The following ZNF236 variants were observed in gnomAD, a reference collection of about 807,000 sequenced individuals.
The protein encoded by ZNF236 is regulated by glucose.
ZNF236 carries 50 observed loss-of-function variants against 191.2 expected under a neutral mutation model. The ratio of observed to expected loss-of-function variants is 0.26; its 90% CI spans 0.21 to 0.33. The LOEUF (loss-of-function observed/expected upper bound fraction) is 0.33. Among genes scored for constraint, ZNF236 ranks in the 10% least tolerant of loss-of-function variants. The pLI is 1.00. For missense variants in ZNF236, 1,754 were observed against 2,374.5 expected (o/e 0.74, Z 5.43); for synonymous variants, 907 against 928.8 (o/e 0.98, Z 0.43).
At chr18:76,869,247 G>A (rs79903619) in intron 4 of ZNF236, among the ~76,000 whole-genome samples, 2,327 of 152,314 alleles carry the variant, frequency 0.015, 27 homozygotes, top group Middle Eastern at 0.02. Flanking sequence ...TGTTCTTAGC[G>A]TGTATATAAA....
At chr18:76,830,393 G>C (rs1414958825) in intron 1 of ZNF236, among the ~76,000 whole-genome samples, 1 of 152,068 alleles carries the variant, frequency 6.6e-6, no homozygotes, top group East Asian at 1.9e-4. Context: ...TTTTGAATAA[G>C]TGTTGCTACA....
At chr18:76,947,831 T>C (rs1359390281) in intron 27 of ZNF236, among the ~76,000 whole-genome samples, 179 bp downstream of exon 27, 1 of 152,128 alleles carries the variant, frequency 6.6e-6, no homozygotes, top group African/African-American at 2.4e-5. Context: ...GTGTGTTGAA[T>C]GACAGGTACG....
intron 1 of ZNF236, among the ~76,000 whole-genome samples, chr18:76,823,352 G>A (rs1237365641): frequency 6.6e-6 from 1 of 151,980 alleles, no homozygotes; most frequent in Non-Finnish European, 1.5e-5. Context: ...CAGACGCTGT[G>A]GGTAGTGCAT....
intron 11 of ZNF236, among the ~76,000 whole-genome samples, chr18:76,900,113 A>G (rs959392401): frequency 3.3e-5 from 5 of 152,314 alleles, no homozygotes; most frequent in Non-Finnish European, 5.9e-5. Context: ...AGATAATTCA[A>G]TCTATAAGCA....
chr18:76,870,544 A>T (rs1403005087), intron 4 of ZNF236, among the ~76,000 whole-genome samples: 2 of 152,206 alleles, frequency 1.3e-5, no homozygotes. Flanking sequence ...TAGTGAGAAG[A>T]TAGGTAGTGA....
chr18:76,845,899 C>T (rs576084943), intron 1 of ZNF236, among the ~76,000 whole-genome samples: 20 of 151,858 alleles, frequency 1.3e-4, no homozygotes, highest in African/African-American at 1.9e-4. Flanking sequence ...CATGAAGAGG[C>T]GGTCATTCAT....
Position 76,875,309 on chromosome 18 carries a change from A to T in ZNF236, c.668-183A>T, listed in dbSNP as rs75210535. Among the ~76,000 whole-genome samples the T allele has an allele frequency of 3.9e-5, 6 of 152,296 alleles. No individual in the cohort carries two copies. The highest frequency in any genetic ancestry group is 1.4e-4 in the African/African-American group (6 of 41,546). The stretch of plus-strand genomic sequence containing the variant: ...GGTGGAGCAGTTTGCGAGATGGTCA[A>T]GTGCAGTTTTGACATGTTAATTTTG... On this transcript the variant is annotated intron_variant, in intron 5 of 30. Transcript: ENST00000320610. This position sits in a 1 kb window ranked among gnomAD's most constrained non-coding sequence, Gnocchi z 4.3.
At chr18:76,910,918 C>G in intron 16 of ZNF236, 107 bp downstream of exon 16, 1 of 1,268,392 alleles carries the variant, frequency 7.9e-7, no homozygotes. Flanking sequence ...AAGAGGCATG[C>G]TCACTTCTTG....
chr18:76,829,702 A>G (rs999110409), intron 1 of ZNF236, among the ~76,000 whole-genome samples: 2 of 152,176 alleles, frequency 1.3e-5, no homozygotes, highest in Non-Finnish European at 2.9e-5. Context: ...TTAAGTAACT[A>G]TTTTAATCAC....
At chr18:76,870,788 G>C (rs148084591) in intron 4 of ZNF236, among the ~76,000 whole-genome samples, 1 of 152,276 alleles carries the variant, frequency 6.6e-6, no homozygotes, top group East Asian at 1.9e-4. Flanking sequence ...GAAGCAGTGA[G>C]CCTCCCTGGT....
At chr18:76,838,572 C>T (rs1336386149) in intron 1 of ZNF236, among the ~76,000 whole-genome samples, 5 of 152,162 alleles carry the variant, frequency 3.3e-5, no homozygotes, top group African/African-American at 4.8e-5. Context: ...GTAGGTTGTA[C>T]GGCCTCTGTC....
chr18:76,933,292 A>G (rs1258779990), intron 25 of ZNF236, among the ~76,000 whole-genome samples: 1 of 152,152 alleles, frequency 6.6e-6, no homozygotes, highest in Admixed American at 6.5e-5. Context: ...ATCATGGTGA[A>G]ACCCCGTCTC....
At chr18:76,896,404 AAC>A (rs1977412578) in intron 10 of ZNF236, among the ~76,000 whole-genome samples, 1 of 148,088 alleles carries the variant, frequency 6.8e-6, no homozygotes, top group Non-Finnish European at 1.5e-5. Flanking sequence ...CACAGTACCA[AAC>A]ACAGTACTAC....
chr18:76,916,976 G>A (rs192895370), intron 19 of ZNF236, among the ~76,000 whole-genome samples: 10 of 152,280 alleles, frequency 6.6e-5, no homozygotes, highest in South Asian at 2.1e-4. Flanking sequence ...TGGGGTCCCC[G>A]GTGGGTTATG....
At chr18:76,874,270 A>AC (rs1190161923) in intron 5 of ZNF236, among the ~76,000 whole-genome samples, 6 of 152,044 alleles carry the variant, frequency 3.9e-5, no homozygotes, top group African/African-American at 7.2e-5. Context: ...CACTTATTTA[A>AC]CCCTAAAGCT....
intron 3 of ZNF236, among the ~76,000 whole-genome samples, chr18:76,852,714 A>G (rs796510819): frequency 7.9e-5 from 12 of 152,298 alleles, no homozygotes; most frequent in African/African-American, 2.2e-4. Context: ...GGAAGATACA[A>G]AAAGTTAAAG....
At chr18:76,877,094 A>G (rs958963369) in intron 6 of ZNF236, among the ~76,000 whole-genome samples, 3 of 152,208 alleles carry the variant, frequency 2.0e-5, no homozygotes, top group Non-Finnish European at 1.5e-5. Flanking sequence ...TCATAGTTCT[A>G]CAGTAACTAA....
chr18:76,895,299 GCTGGGCCCACACGGGCACTGGCCA>G lies in ZNF236; in HGVS notation c.1690+16_1690+39del. 4 of 1,595,870 alleles carry G rather than the reference GCTGGGCCCACACGGGCACTGGCCA, an allele frequency of 2.5e-6. No individual in the cohort carries two copies. The highest frequency in any genetic ancestry group is 3.4e-6 in the Non-Finnish European group (4 of 1,177,076). On this transcript the variant is annotated intron_variant, in intron 10 of 30. Coordinates refer to ENST00000320610, the MANE Select transcript of ZNF236 (RefSeq NM_001306089.2). Reference sequence around the variant, plus strand: ...GCCTGCACACAGGTATGGCCTCAGGGCTGGGCCCACACGGGCACTGGCCACGGGGGCCACACACATTACTGCGCA... The same window carrying G: ...GCCTGCACACAGGTATGGCCTCAGGGCGGGGGCCACACACATTACTGCGCA...
chr18:76,837,159 G>A (rs1189458767), intron 1 of ZNF236, among the ~76,000 whole-genome samples: 2 of 92,170 alleles, frequency 2.2e-5, no homozygotes, highest in Non-Finnish European at 4.3e-5. Context: ...GCCTCCCAAA[G>A]TGCTGGAATT....
Sources: allele counts gnomAD v4.1 joint callset (sites outside exome capture counted in the v4.1 genomes callset), GRCh38; gene constraint gnomAD v4.1.1; non-coding constraint Gnocchi (gnomAD v3.1); transcripts MANE v1.5; gene names NCBI Gene and HGNC (gene_info 2026-07-23, HGNC 2026-07-21).